PITPNC1: variants seen among roughly 807,000 people sequenced by gnomAD.
PITPNC1 encodes the protein cytoplasmic phosphatidylinositol transfer protein 1.
In PITPNC1, 18 loss-of-function variants were observed where a neutral mutation model predicts 44.7. That is an observed-to-expected ratio of 0.40 (90% CI 0.28 to 0.60). PITPNC1 has a LOEUF of 0.60. Ranked by LOEUF, PITPNC1 falls within the 20% of genes least tolerant of loss-of-function variation. The pLI, the probability that PITPNC1 is intolerant of heterozygous loss-of-function variation, is 0.39. For synonymous variants in PITPNC1, 141 were observed against 149.6 expected, an observed-to-expected ratio of 0.94 and a Z score of 0.42; for missense variants, 290 against 418.4, an observed-to-expected ratio of 0.69 and a Z score of 2.68.
chr17:67,460,932 A>G (rs1251255490), intron 1 of PITPNC1, among the ~76,000 whole-genome samples: 10 of 137,316 alleles, frequency 7.3e-5, no homozygotes, highest in African/African-American at 2.7e-4. Context: ...AGTAGAGATG[A>G]GGTTTCACCA....
intron 1 of PITPNC1, among the ~76,000 whole-genome samples, chr17:67,450,420 A>G (rs545820591): frequency 6.6e-6 from 1 of 152,020 alleles, no homozygotes; most frequent in African/African-American, 2.4e-5. Context: ...ATAAAAATTT[A>G]CCATTTTAAG....
chr17:67,559,149 G>T (rs998989886), intron 4 of PITPNC1, among the ~76,000 whole-genome samples: 1 of 152,136 alleles, frequency 6.6e-6, no homozygotes, highest in Non-Finnish European at 1.5e-5. Flanking sequence ...CCCAAGCCCC[G>T]TCTCCTTTCT....
intron 1 of PITPNC1, chr17:67,408,943 C>G (rs577628346): frequency 2.6e-5 from 4 of 152,012 alleles, no homozygotes; most frequent in Admixed American, 2.6e-4. Context: ...TTCCTGAATG[C>G]AAGGTCACAA....
chr17:67,598,537 A>G (rs1345018629), intron 5 of PITPNC1, among the ~76,000 whole-genome samples: 1 of 152,144 alleles, frequency 6.6e-6, no homozygotes, highest in Non-Finnish European at 1.5e-5. Context: ...GAGACCCCTT[A>G]GGTTTTAAGG....
intron 6 of PITPNC1, among the ~76,000 whole-genome samples, chr17:67,668,957 A>G (rs913331691): frequency 6.6e-6 from 1 of 152,256 alleles, no homozygotes. Context: ...GGTTTTTCGC[A>G]TATGCACAAG....
intron 5 of PITPNC1, among the ~76,000 whole-genome samples, chr17:67,605,785 A>C (rs193130966): frequency 2.0e-5 from 3 of 152,334 alleles, no homozygotes; most frequent in African/African-American, 7.2e-5. Flanking sequence ...TGAAGCCAGT[A>C]AACACTTGTG....
intron 5 of PITPNC1, among the ~76,000 whole-genome samples, chr17:67,623,583 C>T (rs1260649921): frequency 6.6e-6 from 1 of 152,146 alleles, no homozygotes; most frequent in Non-Finnish European, 1.5e-5. Flanking sequence ...GGGGTTTCAT[C>T]ATGTTGACCA....
chr17:67,532,761 G>A (rs914444236), intron 1 of PITPNC1, 41 bp from the exon 2 acceptor site: 11 of 1,509,182 alleles, frequency 7.3e-6, no homozygotes, highest in Middle Eastern at 1.8e-4. Context: ...TCAGGGGCAC[G>A]CTGTGGGGCT....
intron 1 of PITPNC1, among the ~76,000 whole-genome samples, chr17:67,522,659 C>CCTTTTTTTT (rs1555661487): frequency 8.5e-6 from 1 of 117,228 alleles, no homozygotes; most frequent in African/African-American, 4.4e-5. Flanking sequence ...CCATTTTAAT[C>CCTTTTTTTT]TTTTTTTTTT....
At chr17:67,494,216 T>TCTTTCTTTCTTTCTTTC (rs371994851) in intron 1 of PITPNC1, among the ~76,000 whole-genome samples, 32 of 148,158 alleles carry the variant, frequency 2.2e-4, no homozygotes, top group Middle Eastern at 3.5e-3. Context: ...TTTCTTTCTT[T>TCTTTCTTTCTTTCTTTC]TTGAGACGTA....
At chr17:67,404,138 G>A (rs9902423) in intron 1 of PITPNC1, among the ~76,000 whole-genome samples, 6 of 152,064 alleles carry the variant, frequency 3.9e-5, no homozygotes, top group East Asian at 1.9e-4. Flanking sequence ...TATTTGTACC[G>A]ATATACTAAA....
chr17:67,404,210 A>G (rs1431499573), intron 1 of PITPNC1, among the ~76,000 whole-genome samples: 1 of 152,236 alleles, frequency 6.6e-6, no homozygotes, highest in East Asian at 1.9e-4. Flanking sequence ...TCTGGAGCAT[A>G]TATCTTCAAA....
At chr17:67,470,403 C>A (rs1021817231) in intron 1 of PITPNC1, among the ~76,000 whole-genome samples, 1 of 152,234 alleles carries the variant, frequency 6.6e-6, no homozygotes, top group Non-Finnish European at 1.5e-5. Flanking sequence ...CTCTACCCCC[C>A]ACATTCCCCA....
chr17:67,428,839 C>CTTTTTTTTTTTTTTTT (rs369624053), intron 1 of PITPNC1, among the ~76,000 whole-genome samples: 3 of 113,186 alleles, frequency 2.7e-5, no homozygotes, highest in African/African-American at 6.6e-5. Context: ...ACTTGTCTTG[C>CTTTTTTTTTTTTTTTT]TTTTTTTTTT....
At chr17:67,525,859 G>A (rs1489353082) in intron 1 of PITPNC1, among the ~76,000 whole-genome samples, 1 of 152,236 alleles carries the variant, frequency 6.6e-6, no homozygotes, top group East Asian at 1.9e-4. Context: ...CATAGCCAGT[G>A]TGAGGCAGGA....
intron 5 of PITPNC1, among the ~76,000 whole-genome samples, chr17:67,587,552 TG>T (rs1358667318): frequency 6.6e-6 from 1 of 152,162 alleles, no homozygotes; most frequent in African/African-American, 2.4e-5. Context: ...GAGAGGGATG[TG>T]GGTCATGATT....
chr17:67,580,695 C>A (rs779218865), intron 5 of PITPNC1, among the ~76,000 whole-genome samples: 1 of 152,182 alleles, frequency 6.6e-6, no homozygotes, highest in African/African-American at 2.4e-5. Flanking sequence ...TCCTTGCTTT[C>A]TCTCTTTTTC....
rs568982178 is a variant in PITPNC1 at position 67,417,947 on chromosome 17, G to C, written c.48+39745G>C. Among the ~76,000 whole-genome samples, 5 of 152,334 alleles carry C rather than the reference G, an allele frequency of 3.3e-5. No homozygotes were observed. In the East Asian group the frequency reaches 9.6e-4, roughly 29 times the overall value. Reference sequence around the variant, plus strand: ...TAGTCCCACCTACTTGGGAGGCTGAGATGGGAGGATCACTTGAGCCCAGGA... The same window carrying C: ...TAGTCCCACCTACTTGGGAGGCTGACATGGGAGGATCACTTGAGCCCAGGA... On this transcript the variant is annotated intron_variant, in intron 1 of 8. Coordinates refer to ENST00000581322, the MANE Select transcript of PITPNC1 (RefSeq NM_012417.4).
intron 6 of PITPNC1, among the ~76,000 whole-genome samples, chr17:67,653,395 G>C (rs1171212208): frequency 1.3e-5 from 2 of 152,194 alleles, no homozygotes; most frequent in Non-Finnish European, 2.9e-5. Flanking sequence ...GCCAAGGAAC[G>C]CCCAGGGGAA....
Sources: allele counts gnomAD v4.1 joint callset (sites outside exome capture counted in the v4.1 genomes callset), GRCh38; gene constraint gnomAD v4.1.1; transcripts MANE v1.5; gene names NCBI Gene and HGNC (gene_info 2026-07-23, HGNC 2026-07-21).